The following UNC79 variants were observed in gnomAD, a reference collection of about 807,000 sequenced individuals.
UNC79 encodes the protein unc-79 subunit of NALCN channel complex, also known as protein unc-79 homolog.
UNC79 carries 37 observed loss-of-function variants against 283.1 expected under a neutral mutation model. That is an observed-to-expected ratio of 0.13 (90% CI 0.10 to 0.17). The LOEUF (loss-of-function observed/expected upper bound fraction) is 0.17, where lower values mean the gene tolerates loss of function less well. UNC79 is among the 10% of genes least tolerant of loss of function. The probability of loss-of-function intolerance (pLI) is 1.00; values close to 1 mark genes in which losing one functional copy is unlikely to be tolerated. For missense variants in UNC79, 2,272 were observed against 3,211.1 expected, an observed-to-expected ratio of 0.71 and a Z score of 7.07; for synonymous variants, 1,107 against 1,200.2, an observed-to-expected ratio of 0.92 and a Z score of 1.61.
chr14:93,575,770 T>C lies in UNC79; in HGVS notation c.2211+572T>C, dbSNP rs138534263. 3.0e-3 allele frequency among the ~76,000 whole-genome samples: 453 copies of C among 152,310 alleles called. 2 individuals are homozygous for C. The highest frequency in any genetic ancestry group is 0.01 in the African/African-American group (428 of 41,566). On this transcript the variant is annotated intron_variant, in intron 17 of 48. Coordinates refer to ENST00000555664, the Ensembl canonical transcript of UNC79. ...TTCTATGGAGGCCTGATAGAGTCTC[T>C]GCTGATGTGCTGCTGTTCTCAGGCC...
chr14:93,623,529 T>A (rs1348284546), intron 30 of UNC79, among the ~76,000 whole-genome samples: 1 of 152,210 alleles, frequency 6.6e-6, no homozygotes, highest in African/African-American at 2.4e-5. Context: ...CCTCATCCTA[T>A]AACAGTCTTC....
chr14:93,464,700 T>C (rs1487047683), intron 1 of UNC79: 2 of 427,198 alleles, frequency 4.7e-6, no homozygotes, highest in Non-Finnish European at 9.3e-6. Context: ...AATGTAGCCT[T>C]AGGGTCAGTT....
intron 14 of UNC79, among the ~76,000 whole-genome samples, chr14:93,547,343 G>A (rs1279268718): frequency 6.6e-6 from 1 of 152,064 alleles, no homozygotes; most frequent in Non-Finnish European, 1.5e-5. Flanking sequence ...AACCTAATTA[G>A]TTTAATGTAT....
Position 93,680,788 on chromosome 14 carries a change from G to A in UNC79, c.6742-1829G>A, listed in dbSNP as rs149750591. ...CCACCTCAGCCTCCCAAAGTGCTGAGATTACAAGCGTGAGCCACCACACCT... is the reference window on the plus strand; with the variant it reads ...CCACCTCAGCCTCCCAAAGTGCTGAAATTACAAGCGTGAGCCACCACACCT... On this transcript the variant is annotated intron_variant, in intron 41 of 48. Coordinates refer to ENST00000555664, the Ensembl canonical transcript of UNC79. 4.9e-3 allele frequency among the ~76,000 whole-genome samples: 749 copies of A among 152,200 alleles called. 5 individuals are homozygous for A. Among genetic ancestry groups the A allele is most frequent in the African/African-American group, 0.016 (663 of 41,520 alleles).
intron 1 of UNC79, among the ~76,000 whole-genome samples, chr14:93,450,746 A>G (rs1325785448): frequency 1.3e-5 from 2 of 152,176 alleles, no homozygotes; most frequent in African/African-American, 4.8e-5. Context: ...CTGACATTTC[A>G]TAACAAAGTG....
chr14:93,431,555 G>T (rs531993734), intron 1 of UNC79, among the ~76,000 whole-genome samples: 2 of 152,080 alleles, frequency 1.3e-5, no homozygotes, highest in Non-Finnish European at 2.9e-5. Flanking sequence ...GGGAGAGAAG[G>T]GGGAGGGAGC....
At chr14:93,432,604 G>C (rs1161713596) in intron 1 of UNC79, among the ~76,000 whole-genome samples, 1 of 151,704 alleles carries the variant, frequency 6.6e-6, no homozygotes, top group African/African-American at 2.4e-5. Context: ...GATTTTTTTT[G>C]CATGTTTCTG....
chr14:93,699,976 T>C (rs1386874907), intron 47 of UNC79, among the ~76,000 whole-genome samples: 2 of 152,162 alleles, frequency 1.3e-5, no homozygotes, highest in African/African-American at 4.8e-5. Flanking sequence ...TGGTGATTAA[T>C]TGTTTTAGGT....
rs117970358 is a variant in UNC79, at chr14:93,358,770, C to G, written c.-351+25247C>G. On this transcript the variant is annotated intron_variant, in intron 1 of 49. Coordinates refer to the UNC79 transcript ENST00000256339. Reference sequence around the variant, plus strand: ...TCCACCTTTGTCTGAGGAGATAAACCTTGTGCTGCTGCCTGAGGCAACAGT... The same window carrying G: ...TCCACCTTTGTCTGAGGAGATAAACGTTGTGCTGCTGCCTGAGGCAACAGT... 2.1e-3 allele frequency among the ~76,000 whole-genome samples: 314 copies of G among 152,270 alleles called. 4 individuals are homozygous for G. The East Asian group carries it at 0.022, about 11-fold the overall frequency.
At chr14:93,482,824 T>C (rs529481771) in intron 4 of UNC79, among the ~76,000 whole-genome samples, 56 of 152,294 alleles carry the variant, frequency 3.7e-4, no homozygotes, top group African/African-American at 1.3e-3. Flanking sequence ...AAGCCAGAGC[T>C]ATCCTCCAAA....
intron 23 of UNC79, among the ~76,000 whole-genome samples, chr14:93,596,143 T>C (rs1272118810): frequency 2.6e-5 from 4 of 152,198 alleles, no homozygotes; most frequent in Non-Finnish European, 4.4e-5. Context: ...AAATAAAATA[T>C]GTCATATAAT....
At chr14:93,494,238 T>C (rs1489271493) in intron 5 of UNC79, among the ~76,000 whole-genome samples, 2 of 152,088 alleles carry the variant, frequency 1.3e-5, no homozygotes, top group African/African-American at 4.8e-5. Flanking sequence ...AACTCTATCA[T>C]GAGAACAGCA....
intron 7 of UNC79, among the ~76,000 whole-genome samples, chr14:93,520,014 A>T (rs560949233): frequency 6.6e-6 from 1 of 152,056 alleles, no homozygotes; most frequent in South Asian, 2.1e-4. Context: ...GCCTTTGTGT[A>T]AATTTGAGCT....
intron 41 of UNC79, 70 bp from the exon 45 acceptor site, chr14:93,682,547 A>G: frequency 7.4e-7 from 1 of 1,358,160 alleles, no homozygotes; most frequent in Non-Finnish European, 1.0e-6. Context: ...AGCCAAGTTA[A>G]TAAAATGATA....
intron 8 of UNC79, among the ~76,000 whole-genome samples, chr14:93,525,431 AG>A (rs2060503136): frequency 6.6e-6 from 1 of 152,034 alleles, no homozygotes; most frequent in African/African-American, 2.4e-5. Context: ...CCTGGGCAAC[AG>A]AGCAAGACTC....
intron 47 of UNC79, among the ~76,000 whole-genome samples, chr14:93,696,795 T>C (rs143998187): frequency 1.3e-5 from 2 of 152,330 alleles, no homozygotes; most frequent in Admixed American, 1.3e-4. Context: ...TTTTTTTCTT[T>C]TATGAATCAT....
At chr14:93,533,568 C>T (rs1263542682) in intron 11 of UNC79, among the ~76,000 whole-genome samples, 2 of 152,072 alleles carry the variant, frequency 1.3e-5, no homozygotes, top group East Asian at 3.9e-4. Context: ...GGTGTCTGGG[C>T]CTCTCTTTCC....
At chr14:93,627,289 C>A (rs1392689820) in intron 30 of UNC79, among the ~76,000 whole-genome samples, 1 of 152,174 alleles carries the variant, frequency 6.6e-6, no homozygotes, top group African/African-American at 2.4e-5. Flanking sequence ...ATCCTAGTCT[C>A]TTCTCTATGA....
intron 1 of UNC79, among the ~76,000 whole-genome samples, chr14:93,407,001 G>T (rs2055239820): frequency 6.6e-6 from 1 of 152,104 alleles, no homozygotes; most frequent in South Asian, 2.1e-4. Flanking sequence ...GCTTCTGGTG[G>T]CTCCCAGCAA....
Sources: gnomAD v4.1 joint callset for allele counts (sites outside exome capture counted in the v4.1 genomes callset) on GRCh38, gnomAD v4.1.1 for gene constraint, MANE v1.5 for transcripts, NCBI Gene and HGNC (gene_info 2026-07-23, HGNC 2026-07-21) for gene names.